ALDH1A3: variants seen among roughly 807,000 people sequenced by gnomAD.
The protein encoded by ALDH1A3 is aldehyde dehydrogenase 1 family member A3.
ALDH1A3 carries 28 observed loss-of-function variants against 57.5 expected under a neutral mutation model. The observed-to-expected ratio is 0.49, with a 90% confidence interval of 0.36 to 0.67. The LOEUF (loss-of-function observed/expected upper bound fraction) is 0.67, where lower values mean the gene tolerates loss of function less well. Ranked by LOEUF, ALDH1A3 falls within the 30% of genes least tolerant of loss-of-function variation. The probability of loss-of-function intolerance (pLI) is 0.00; values close to 1 mark genes in which losing one functional copy is unlikely to be tolerated. For synonymous variants in ALDH1A3, 281 were observed against 264.8 expected, an observed-to-expected ratio of 1.06 and a Z score of -0.59; for missense variants, 507 against 669.4, an observed-to-expected ratio of 0.76 and a Z score of 2.68.
intron 9 of ALDH1A3, among the ~76,000 whole-genome samples, chr15:100,905,206 A>G (rs1033470043): frequency 2.2e-4 from 34 of 152,200 alleles, no homozygotes; most frequent in African/African-American, 7.2e-4. Context: ...GGGAGAAGAA[A>G]GACTGTGACC....
rs1168540223 is a variant in ALDH1A3 at position 100,906,060 on chromosome 15, A to C, written c.1233+373A>C. 2.0e-5 allele frequency among the ~76,000 whole-genome samples: 3 copies of C among 152,134 alleles called. No homozygotes were observed. In the East Asian group the frequency reaches 5.8e-4, roughly 29 times the overall value. On this transcript the variant is annotated intron_variant, in intron 10 of 12. Coordinates refer to ENST00000329841, the MANE Select transcript of ALDH1A3 (RefSeq NM_000693.4). The surrounding 1 kb of genome is among the most constrained non-coding windows in gnomAD (Gnocchi z 4.8). ...GTTGCCACCTGTGGGTTTTGCCAGG[A>C]ATCAGTTCAAGAACCTGTGGATTCA... is the stretch of plus-strand genomic sequence containing the variant.
chr15:100,886,734 A>T (rs2041597995), intron 2 of ALDH1A3, among the ~76,000 whole-genome samples: 1 of 152,218 alleles, frequency 6.6e-6, no homozygotes, highest in South Asian at 2.1e-4. Flanking sequence ...TTTTAGAAAG[A>T]AGGTTCCGTT....
intron 4 of ALDH1A3, 120 bp downstream of exon 4, chr15:100,892,759 A>G (rs2041663030): frequency 7.1e-7 from 1 of 1,413,398 alleles, no homozygotes; most frequent in African/African-American, 1.4e-5. Context: ...TCCCTCTCCA[A>G]ATGGTACTGC....
intron 1 of ALDH1A3, among the ~76,000 whole-genome samples, chr15:100,884,482 T>A (rs1161603431): frequency 1.3e-5 from 2 of 152,158 alleles, no homozygotes; most frequent in East Asian, 3.9e-4. Flanking sequence ...CATCTCTTAA[T>A]GTAACCTGGA....
intron 2 of ALDH1A3, among the ~76,000 whole-genome samples, chr15:100,886,542 C>G (rs577424925): frequency 7.9e-4 from 120 of 152,268 alleles, no homozygotes; most frequent in Non-Finnish European, 1.4e-3. Flanking sequence ...CTGCTCACCC[C>G]CAAGCCAGCT....
At chr15:100,896,415 GA>G (rs1225420725) in intron 7 of ALDH1A3, among the ~76,000 whole-genome samples, 3,943 of 143,480 alleles carry the variant, frequency 0.027, 162 homozygotes, top group African/African-American at 0.094. Context: ...ACAAGTCAAT[GA>G]AAAAAAAAAA....
At chr15:100,911,269 GC>G (rs2041880812) in intron 12 of ALDH1A3, among the ~76,000 whole-genome samples, 1 of 152,158 alleles carries the variant, frequency 6.6e-6, no homozygotes, top group South Asian at 2.1e-4. Context: ...CCCGTCCCCG[GC>G]CACCTGGACT....
intron 6 of ALDH1A3, 104 bp from the exon 7 acceptor site, chr15:100,895,829 T>G: frequency 9.9e-7 from 1 of 1,008,352 alleles, no homozygotes; most frequent in Non-Finnish European, 1.5e-6. Context: ...CCGGCCCGGG[T>G]TCCCTGTGGG....
chr15:100,896,245 A>G (rs1261601383), intron 7 of ALDH1A3, among the ~76,000 whole-genome samples, 199 bp downstream of exon 7: 3 of 152,264 alleles, frequency 2.0e-5, no homozygotes, highest in Non-Finnish European at 4.4e-5. Flanking sequence ...CAGAAGCCTT[A>G]GAAGAAAAGA....
At chr15:100,884,625 G>A (rs1174310478) in intron 1 of ALDH1A3, among the ~76,000 whole-genome samples, 1 of 149,786 alleles carries the variant, frequency 6.7e-6, no homozygotes, top group African/African-American at 2.4e-5. Flanking sequence ...TACATGTGCA[G>A]GATGTGCAGG....
intron 4 of ALDH1A3, 28 bp from the exon 5 acceptor site, chr15:100,892,917 C>T: frequency 6.2e-7 from 1 of 1,611,418 alleles, no homozygotes; most frequent in Non-Finnish European, 8.5e-7. Context: ...GTGAGTGTGT[C>T]CTTCCCCACC....
Position 100,914,886 on chromosome 15 carries a change from C to A in ALDH1A3, c.*113C>A. On this transcript the variant is annotated 3_prime_UTR_variant, in exon 13 of 13. Coordinates refer to ENST00000329841, the MANE Select transcript of ALDH1A3 (RefSeq NM_000693.4). ...TTCCCGGGACACATTCTTCTGGAGG[C>A]TTTACATCTACTGGAGTTGAATGAT... The A allele has an allele frequency of 2.1e-6, 2 of 937,796 alleles. No homozygotes were observed. The highest frequency in any genetic ancestry group is 3.2e-6 in the Non-Finnish European group (2 of 617,078). 58.1% of individuals were successfully genotyped at this position (937,796 alleles called of 1,614,324 possible). A position where few individuals can be genotyped will look rare whatever the true frequency, so the allele number is the denominator to read the frequency against.
intron 2 of ALDH1A3, 54 bp downstream of exon 2, chr15:100,885,425 G>A: frequency 1.5e-6 from 2 of 1,362,722 alleles, no homozygotes; most frequent in Non-Finnish European, 2.1e-6. Flanking sequence ...ATGACCAAAG[G>A]ATAAGGAAAC....
chr15:100,887,322 C>T lies in ALDH1A3; in HGVS notation c.205-250C>T, dbSNP rs186608639. Among the ~76,000 whole-genome samples, 175 of 145,378 alleles carry T rather than the reference C, an allele frequency of 1.2e-3. 2 individuals are homozygous for T. The East Asian group carries it at 0.026, about 22-fold the overall frequency. On this transcript the variant is annotated intron_variant, in intron 2 of 12. Coordinates refer to ENST00000329841, the MANE Select transcript of ALDH1A3 (RefSeq NM_000693.4). This position sits in a 1 kb window ranked among gnomAD's most constrained non-coding sequence, Gnocchi z 4.6. ...GATGACACCCAAACTGCAGTCACGT[C>T]AAAAGATGACACCCAAACTGCAGTC... is the stretch of plus-strand genomic sequence containing the variant.
At position 100,894,098 on chromosome 15, in the gene ALDH1A3, A is replaced by C; in HGVS notation, c.666+16A>C. 1.2e-6 allele frequency: 2 copies of C among 1,613,278 alleles called. No individual in the cohort carries two copies. The highest frequency in any genetic ancestry group is 1.7e-6 in the Non-Finnish European group (2 of 1,179,680). On this transcript the variant is annotated intron_variant, in intron 6 of 12. Transcript: ENST00000329841. The surrounding 1 kb of genome is among the most constrained non-coding windows in gnomAD (Gnocchi z 4.5). Reference sequence around the variant, plus strand: ...GATCAAAGAGGTGAGACATCCAAAAAGAAAATATCACATGTTCTTGGTAAC... The same window carrying C: ...GATCAAAGAGGTGAGACATCCAAAACGAAAATATCACATGTTCTTGGTAAC...
Position 100,893,148 on chromosome 15 carries a change from G to T in ALDH1A3, c.537+142G>T, listed in dbSNP as rs560589133. 4.3e-6 allele frequency: 3 copies of T among 699,576 alleles called. No individual in the cohort carries two copies. The South Asian group carries it at 6.7e-5, about 16-fold the overall frequency. 43.3% of individuals were successfully genotyped at this position (699,576 alleles called of 1,614,324 possible). A position where few individuals can be genotyped will look rare whatever the true frequency, so the allele number is the denominator to read the frequency against. On this transcript the variant is annotated intron_variant, in intron 5 of 12. Coordinates refer to ENST00000329841, the MANE Select transcript of ALDH1A3 (RefSeq NM_000693.4). The surrounding 1 kb of genome is among the most constrained non-coding windows in gnomAD (Gnocchi z 4.8). ...TTTTCTTCGTGGCATGGAACTCCAT[G>T]CTTGGGGGCTCTTGAGATGGATTAG... is the stretch of plus-strand genomic sequence containing the variant.
At chr15:100,912,558 T>C (rs1460971545) in intron 12 of ALDH1A3, among the ~76,000 whole-genome samples, 3 of 152,222 alleles carry the variant, frequency 2.0e-5, no homozygotes, top group Admixed American at 1.3e-4. Context: ...GCTTTTATGT[T>C]TTGTGTTTTA....
chr15:100,915,606 C>G lies in ALDH1A3; in HGVS notation c.*833C>G, dbSNP rs1036866176. The G allele has an allele frequency of 4.6e-5, 7 of 152,172 alleles. No individual in the cohort carries two copies. Among genetic ancestry groups the G allele is most frequent in the African/African-American group, 1.7e-4 (7 of 41,438 alleles). 9.4% of individuals were successfully genotyped at this position (152,172 alleles called of 1,614,324 possible). A position where few individuals can be genotyped will look rare whatever the true frequency, so the allele number is the denominator to read the frequency against. On this transcript the variant is annotated 3_prime_UTR_variant, in exon 13 of 13. Transcript: ENST00000329841. ...TAGCAAATCCTAGGATAATTCACCTCCTCATTTGACAAATCAGAGCTGTAA... is the reference window on the plus strand; with the variant it reads ...TAGCAAATCCTAGGATAATTCACCTGCTCATTTGACAAATCAGAGCTGTAA...
At position 100,896,064 on chromosome 15, in the gene ALDH1A3, G is replaced by A. The variant is rs1311440016; in HGVS notation, c.780+18G>A. On this transcript the variant is annotated intron_variant, in intron 7 of 12. Transcript: ENST00000329841. ...CCACAGAGGTAACCCTCCTCACAGG[G>A]TGCTGGGGAAAGTGAAAGGGGCGTG... 1 of 1,588,914 alleles carries A rather than the reference G, an allele frequency of 6.3e-7. No individual in the cohort carries two copies. The highest frequency in any genetic ancestry group is 8.6e-7 in the Non-Finnish European group (1 of 1,164,200).
Sources: gnomAD v4.1 joint callset for allele counts (sites outside exome capture counted in the v4.1 genomes callset) on GRCh38, gnomAD v4.1.1 for gene constraint, Gnocchi (gnomAD v3.1) non-coding constraint, MANE v1.5 for transcripts, NCBI Gene and HGNC (gene_info 2026-07-23, HGNC 2026-07-21) for gene names.